Variants in IMPDH1 observed in about 807,000 individuals in gnomAD.
IMPDH1 encodes the protein inosine monophosphate dehydrogenase 1, also known as inosine-5'-monophosphate dehydrogenase 1.
IMPDH1 carries 41 observed loss-of-function variants against 73.5 expected under a neutral mutation model. The observed-to-expected ratio is 0.56, with a 90% CI of 0.43 to 0.72. The LOEUF is 0.72. IMPDH1 is among the 30% of genes least tolerant of loss of function. IMPDH1 has a pLI of 0.00. For synonymous variants in IMPDH1, 318 were observed against 334.3 expected, an observed-to-expected ratio of 0.95 and a Z score of 0.53; for missense variants, 645 against 824.8, an observed-to-expected ratio of 0.78 and a Z score of 2.67.
rs1224428162 is a variant in IMPDH1, at chr7:128,398,536, A to G, written c.952T>C (p.Tyr318His). The G allele has an allele frequency of 1.9e-6, 3 of 1,613,664 alleles. No homozygotes were observed. The highest frequency in any genetic ancestry group is 1.7e-6 in the Non-Finnish European group (2 of 1,179,764). ...ARTDLKKNRD[Y>H]PLASKDSQKQ... ...TGGGAATCCTTGGAGGCCAGAGGGT[A>G]GTCTCGGTTCTTCTTCAGGTCGGTG... Residue 318 changes from tyrosine (Y) to histidine (H), a missense_variant, in exon 10 of 17, where the codon TAC (tyrosine) becomes CAC (histidine). Physicochemically the swap from Tyr to His is moderately conservative, Grantham distance 83. Coordinates refer to ENST00000338791, the MANE Select transcript of IMPDH1 (RefSeq NM_000883.4). The surrounding 1 kb of genome is among the most constrained non-coding windows in gnomAD (Gnocchi z 4.3).
intron 16 of IMPDH1, 116 bp from the exon 17 acceptor site, chr7:128,393,144 G>A: frequency 1.7e-6 from 2 of 1,184,094 alleles, no homozygotes; most frequent in Middle Eastern, 1.9e-4. Context: ...GAGAAGCCCT[G>A]AGATCTCAGC....
rs1489425550 is a variant in IMPDH1 at position 128,409,705 on chromosome 7, C to T, written c.146+51G>A. ...CGGGTTCCCGGAGCCGCCGCGCCCT[C>T]CTCGGCCGCCCGCCCCGGATGCGCC... On this transcript the variant is annotated intron_variant, in intron 1 of 16. Transcript: ENST00000338791. 5 of 1,523,692 alleles carry T rather than the reference C, an allele frequency of 3.3e-6. No homozygotes were observed. In the South Asian group the frequency reaches 6.0e-5, roughly 18 times the overall value. 94.4% of individuals were successfully genotyped at this position (1,523,692 alleles called of 1,614,324 possible).
In IMPDH1 at chr7:128,409,769, A is replaced by G. The variant is rs1468478698; in HGVS notation, c.133T>C (p.Tyr45His). 9.9e-6 allele frequency: 15 copies of G among 1,522,120 alleles called. No individual in the cohort carries two copies. The highest frequency in any genetic ancestry group is 1.3e-5 in the Non-Finnish European group (15 of 1,141,218). 94.3% of individuals were successfully genotyped at this position (1,522,120 alleles called of 1,614,324 possible). Reference sequence around the variant, plus strand: ...CCTGGGCGTCACCTCTCGGGCTCGTAGCCGGCCTGCAGCAGTCGGGCGCTG... The same window carrying G: ...CCTGGGCGTCACCTCTCGGGCTCGTGGCCGGCCTGCAGCAGTCGGGCGCTG... Reference protein sequence around the residue: ...RYSARLLQAGYEPESPRLDLA... With the variant: ...RYSARLLQAGHEPESPRLDLA... Residue 45 changes from tyrosine to histidine, a missense_variant, in exon 1 of 17, where the codon TAC (tyrosine) becomes CAC (histidine). Around this residue, in one of 2 missense-constraint regions of IMPDH1, gnomAD observed 186 missense variants for 186.6 expected, o/e 1.00. Transcript: ENST00000338791.
chr7:128,395,304 G>T (rs758844042), intron 12 of IMPDH1, 30 bp from the exon 13 acceptor site: 2 of 1,611,554 alleles, frequency 1.2e-6, no homozygotes, highest in Non-Finnish European at 1.7e-6. Flanking sequence ...ACAAGGCAGA[G>T]AAGAGTCAAC....
intron 10 of IMPDH1, among the ~76,000 whole-genome samples, chr7:128,397,263 G>A (rs1223059114): frequency 2.0e-5 from 3 of 151,434 alleles, no homozygotes; most frequent in Non-Finnish European, 4.4e-5. Context: ...AGTACATAAG[G>A]CCTTTCCTAT....
chr7:128,394,605 T>A lies in IMPDH1; in HGVS notation c.1551-6A>T. The stretch of plus-strand genomic sequence containing the variant: ...TCTTCACTTTATCCCCCTCGCTGCG[T>A]GGAGGGTGGAAGACTGAGCCCAGCA... On this transcript the variant is annotated splice_region_variant and splice_polypyrimidine_tract_variant and intron_variant, in intron 14 of 16. Transcript: ENST00000338791. This position sits in a 1 kb window ranked among gnomAD's most constrained non-coding sequence, Gnocchi z 5.5. 6.2e-7 allele frequency: 1 copy of A among 1,613,200 alleles called. No individual in the cohort carries two copies. The highest frequency in any genetic ancestry group is 8.5e-7 in the Non-Finnish European group (1 of 1,179,938).
rs749443650 is a variant in IMPDH1, at chr7:128,395,192, G to A, written c.1344C>T (p.Ala448=). 43 of 1,613,838 alleles carry A rather than the reference G, an allele frequency of 2.7e-5. No individual in the cohort carries two copies. The highest frequency in any genetic ancestry group is 1.5e-4 in the South Asian group (14 of 91,092). ...GTCCCACGGTCTGGATGCCGCCATC[G>A]GCTATGATGGGCACACCAAAGCGCC... ...YARRFGVPII[A]DGGIQTVGHV... Residue 448 remains alanine (A), a synonymous_variant, in exon 13 of 17, where the codon GCC becomes GCT. Transcript: ENST00000338791.
At chr7:128,408,571 C>T (rs945253995) in intron 3 of IMPDH1, among the ~76,000 whole-genome samples, 7 of 4,346 alleles carry the variant, frequency 1.6e-3, no homozygotes, top group African/African-American at 6.0e-3. Context: ...GTGGGGGGTG[C>T]GGGTCGGTTG....
At chr7:128,403,900 G>GTATAACCCTTTGATCTCT in intron 4 of IMPDH1, 146 bp from the exon 5 acceptor site, 1 of 741,196 alleles carries the variant, frequency 1.3e-6, no homozygotes. Flanking sequence ...GCCCCATCAG[G>GTATAACCCTTTGATCTCT]GCAGTTCCCA....
intron 12 of IMPDH1, 96 bp from the exon 13 acceptor site, chr7:128,395,370 T>A: frequency 7.1e-7 from 1 of 1,417,382 alleles, no homozygotes; most frequent in Non-Finnish European, 9.8e-7. Flanking sequence ...GTGCACTACC[T>A]CTACTCAGGA....
rs1437209930 is a variant in IMPDH1 at position 128,398,643 on chromosome 7, C to A, written c.875-30G>T. ...CAAGGAATGCAGGGGTGAAATGAAG[C>A]AGGCTTGGTGGGGAGAAGTTTGGGA... On this transcript the variant is annotated intron_variant, in intron 9 of 16. Coordinates refer to ENST00000338791, the MANE Select transcript of IMPDH1 (RefSeq NM_000883.4). This position sits in a 1 kb window ranked among gnomAD's most constrained non-coding sequence, Gnocchi z 4.3. The A allele has an allele frequency of 1.3e-6, 2 of 1,585,518 alleles. No homozygotes were observed. The highest frequency in any genetic ancestry group is 1.7e-5 in the Admixed American group (1 of 59,932).
chr7:128,395,866 G>A (rs78530009), intron 12 of IMPDH1, among the ~76,000 whole-genome samples: 7,541 of 152,344 alleles, frequency 0.049, 335 homozygotes, highest in East Asian at 0.21. Flanking sequence ...GTGGGTGAGA[G>A]AGGGCCCTCA....
rs1414753298 is a variant in IMPDH1, at chr7:128,398,110, T to C, written c.1074+304A>G. Among the ~76,000 whole-genome samples, 1 of 152,226 alleles carries C rather than the reference T, an allele frequency of 6.6e-6. No individual in the cohort carries two copies. The highest frequency in any genetic ancestry group is 1.5e-5 in the Non-Finnish European group (1 of 68,040). ...TGCCACTGGAGAATTTTAACTTGTT[T>C]GTTTTCTTTCTTTGTATCTCAGATG... is the stretch of plus-strand genomic sequence containing the variant. On this transcript the variant is annotated intron_variant, in intron 10 of 16. Coordinates refer to ENST00000338791, the MANE Select transcript of IMPDH1 (RefSeq NM_000883.4). This position sits in a 1 kb window ranked among gnomAD's most constrained non-coding sequence, Gnocchi z 4.3.
chr7:128,393,094 T>C (rs1797646189), intron 16 of IMPDH1, 66 bp from the exon 17 acceptor site: 6 of 1,546,656 alleles, frequency 3.9e-6, no homozygotes, highest in East Asian at 4.5e-5. Context: ...CCCAAAACCC[T>C]TTCCCCAGGG....
intron 1 of IMPDH1, 133 bp downstream of exon 1, chr7:128,409,623 G>C (rs1799005917): frequency 4.0e-6 from 6 of 1,515,054 alleles, no homozygotes; most frequent in Non-Finnish European, 5.5e-6. Flanking sequence ...GAAGTTAGAG[G>C]CTGAGGCGGT....
intron 3 of IMPDH1, 105 bp from the exon 4 acceptor site, chr7:128,405,970 TGCCGCGGGCCGGGCGGGCCGGGG>T: frequency 1.0e-6 from 1 of 959,882 alleles, no homozygotes; most frequent in Non-Finnish European, 1.3e-6. Context: ...GCCACGCTGC[TGCCGCGGGCCGGGCGGGCCGGGG>T]GCGGGGGCGG....
intron 3 of IMPDH1, among the ~76,000 whole-genome samples, chr7:128,409,085 C>A (rs1010943806): frequency 5.9e-5 from 9 of 152,228 alleles, no homozygotes; most frequent in Admixed American, 5.2e-4. Context: ...TTTCAAGCTG[C>A]GATACAATCC....
intron 6 of IMPDH1, 50 bp downstream of exon 6, chr7:128,400,965 A>G (rs757932315): frequency 2.5e-6 from 4 of 1,597,948 alleles, no homozygotes; most frequent in Non-Finnish European, 2.6e-6. Context: ...ACAGCCCACC[A>G]TGGTCAGTTC....
chr7:128,393,884 C>G, intron 16 of IMPDH1: 1 of 346,834 alleles, frequency 2.9e-6, no homozygotes, highest in South Asian at 2.6e-5. Flanking sequence ...AGCGCTGGCC[C>G]TGGCGTCCAT....
Sources: allele counts gnomAD v4.1 joint callset (sites outside exome capture counted in the v4.1 genomes callset), GRCh38; gene constraint gnomAD v4.1.1; regional missense constraint gnomAD v4.1.1; non-coding constraint Gnocchi (gnomAD v3.1); transcripts MANE v1.5; gene names NCBI Gene and HGNC (gene_info 2026-07-23, HGNC 2026-07-21).